PTCHD4: variants seen among roughly 807,000 people sequenced by gnomAD.
PTCHD4 encodes patched domain-containing protein 4.
PTCHD4 carries 33 observed loss-of-function variants against 58.1 expected under a neutral mutation model. That is an observed-to-expected ratio of 0.57 (90% CI 0.43 to 0.76). The LOEUF is 0.76. Ranked by LOEUF, PTCHD4 falls within the 30% of genes least tolerant of loss-of-function variation. The probability of loss-of-function intolerance (pLI) is 0.00; values close to 1 mark genes in which losing one functional copy is unlikely to be tolerated. For synonymous variants in PTCHD4, 478 were observed against 409.6 expected, an observed-to-expected ratio of 1.17 and a Z score of -2.02; for missense variants, 1,058 against 1,027.1, an observed-to-expected ratio of 1.03 and a Z score of -0.41.
At chr6:48,073,735 T>C (rs1233966925) in intron 1 of PTCHD4, among the ~76,000 whole-genome samples, 1 of 152,090 alleles carries the variant, frequency 6.6e-6, no homozygotes, top group Non-Finnish European at 1.5e-5. Context: ...GAGTTGCAAA[T>C]GGGAAAAGAG....
intron 4 of PTCHD4, among the ~76,000 whole-genome samples, chr6:47,920,741 G>A (rs1765404834): frequency 6.6e-6 from 1 of 152,078 alleles, no homozygotes; most frequent in African/African-American, 2.4e-5. Context: ...GGACAAACAA[G>A]TACACATAGT....
intron 4 of PTCHD4, among the ~76,000 whole-genome samples, chr6:47,980,654 G>T (rs890120925): frequency 4.6e-5 from 7 of 151,560 alleles, no homozygotes; most frequent in Non-Finnish European, 8.8e-5. Flanking sequence ...AACTTTGCAT[G>T]AAATTTTATT....
chr6:47,923,644 A>G (rs1009326832), intron 4 of PTCHD4, among the ~76,000 whole-genome samples: 3 of 152,174 alleles, frequency 2.0e-5, no homozygotes, highest in Admixed American at 6.5e-5. Flanking sequence ...AAGAGCATGG[A>G]TGATGTCAAG....
chr6:47,883,946 A>G (rs1277512281), intron 4 of PTCHD4, among the ~76,000 whole-genome samples: 2 of 152,228 alleles, frequency 1.3e-5, no homozygotes, highest in East Asian at 3.8e-4. Context: ...TAAAATCAGG[A>G]TACATTTCCA....
Position 48,008,980 on chromosome 6 carries a change from T to C in PTCHD4, c.552A>G (p.Gln184=). 1 of 1,613,980 alleles carries C rather than the reference T, an allele frequency of 6.2e-7. No individual in the cohort carries two copies. Among genetic ancestry groups the C allele is most frequent in the Non-Finnish European group, 8.5e-7 (1 of 1,179,890 alleles). Reference sequence around the variant, plus strand: ...TCTCCCACTTCTCCCCTATGAGGTCTTGGGTGGCAGAGCCATAGGTCTGGA... The same window carrying C: ...TCTCCCACTTCTCCCCTATGAGGTCCTGGGTGGCAGAGCCATAGGTCTGGA... ...YYLQTYGSAT[Q]DLIGEKWENE... Residue 184 remains glutamine (Q), a synonymous_variant, in exon 4 of 5, where the codon CAA becomes CAG. Transcript: ENST00000339488.
intron 4 of PTCHD4, among the ~76,000 whole-genome samples, chr6:47,909,946 C>A (rs746956384): frequency 3.9e-5 from 6 of 152,134 alleles, no homozygotes; most frequent in Admixed American, 6.6e-5. Context: ...GGGAAAACTT[C>A]GTAATAACTT....
Position 48,068,239 on chromosome 6 carries a change from C to T in PTCHD4, c.408G>A (p.Leu136=). 1 of 1,568,572 alleles carries T rather than the reference C, an allele frequency of 6.4e-7. No homozygotes were observed. The highest frequency in any genetic ancestry group is 8.7e-7 in the Non-Finnish European group (1 of 1,155,512). The change falls in exon 3 of 5, where the codon CTG becomes CTA. Residue 136 remains leucine (L), a synonymous_variant. Coordinates refer to ENST00000339488, the MANE Select transcript of PTCHD4 (RefSeq NM_001384253.1). The surrounding 1 kb of genome is among the most constrained non-coding windows in gnomAD (Gnocchi z 4.2). ...EGILQTHRAV[L]EMKDGRNSFI... ...AGCCCTTGTGGTTCACCTTCATTTC[C>T]AGCACGGCTCGGTGGGTCTGCAGGA...
At chr6:47,889,544 C>T (rs1764312474) in intron 4 of PTCHD4, among the ~76,000 whole-genome samples, 3 of 151,940 alleles carry the variant, frequency 2.0e-5, no homozygotes, top group African/African-American at 4.8e-5. Flanking sequence ...ATTGTAGATT[C>T]TGGATATTAT....
At chr6:48,039,440 C>G (rs2114148640) in intron 3 of PTCHD4, among the ~76,000 whole-genome samples, 1 of 152,120 alleles carries the variant, frequency 6.6e-6, no homozygotes, top group South Asian at 2.1e-4. Context: ...TGGTTATTAA[C>G]ACTGGAGAGG....
chr6:48,005,092 A>T (rs1386790212), intron 4 of PTCHD4, among the ~76,000 whole-genome samples: 1 of 152,198 alleles, frequency 6.6e-6, no homozygotes, highest in Non-Finnish European at 1.5e-5. Flanking sequence ...TCACTGGCTT[A>T]AAAAATGTGG....
At chr6:48,056,192 G>A (rs886798110) in intron 3 of PTCHD4, among the ~76,000 whole-genome samples, 5 of 152,084 alleles carry the variant, frequency 3.3e-5, no homozygotes, top group African/African-American at 4.8e-5. Context: ...AAATGTAAAC[G>A]AGATACAATA....
intron 3 of PTCHD4, among the ~76,000 whole-genome samples, chr6:48,060,920 A>T (rs928619341): frequency 2.0e-5 from 3 of 152,258 alleles, no homozygotes; most frequent in Non-Finnish European, 2.9e-5. Flanking sequence ...AATGCTGTTC[A>T]TCAGGCACCT....
chr6:47,990,049 G>A (rs1328094139), intron 4 of PTCHD4, among the ~76,000 whole-genome samples: 3 of 152,208 alleles, frequency 2.0e-5, no homozygotes, highest in African/African-American at 7.2e-5. Context: ...TGACCTCGAT[G>A]TGGGACCTGG....
intron 4 of PTCHD4, among the ~76,000 whole-genome samples, chr6:47,986,915 G>A (rs1194803619): frequency 6.6e-6 from 1 of 152,132 alleles, no homozygotes; most frequent in African/African-American, 2.4e-5. Context: ...CGCAACAGTG[G>A]TGTGTTGCAG....
At chr6:48,108,562 C>A (rs1369966880) in intron 1 of PTCHD4, among the ~76,000 whole-genome samples, 1 of 151,936 alleles carries the variant, frequency 6.6e-6, no homozygotes, top group Non-Finnish European at 1.5e-5. Context: ...TGTAACAAAC[C>A]TGCACGTTGT....
chr6:47,892,057 C>T (rs929057502), intron 4 of PTCHD4, among the ~76,000 whole-genome samples: 3 of 151,928 alleles, frequency 2.0e-5, no homozygotes, highest in African/African-American at 7.3e-5. Flanking sequence ...AAAGAGAATG[C>T]CAGTTGGGCA....
chr6:48,037,153 C>T (rs754496428), intron 3 of PTCHD4, among the ~76,000 whole-genome samples: 30 of 152,062 alleles, frequency 2.0e-4, no homozygotes, highest in Non-Finnish European at 2.6e-4. Context: ...CACGTCATGA[C>T]TAGAGAGTGA....
At chr6:47,891,732 A>G (rs1251031145) in intron 4 of PTCHD4, among the ~76,000 whole-genome samples, 1 of 152,044 alleles carries the variant, frequency 6.6e-6, no homozygotes, top group Non-Finnish European at 1.5e-5. Context: ...TTCTTCCTAA[A>G]ATACTCCATG....
intron 4 of PTCHD4, among the ~76,000 whole-genome samples, chr6:47,969,080 A>C (rs994915482): frequency 6.6e-6 from 1 of 152,210 alleles, no homozygotes; most frequent in African/African-American, 2.4e-5. Context: ...CATTGCTAAA[A>C]TTCTTGCTTT....
Sources: allele counts gnomAD v4.1 joint callset (sites outside exome capture counted in the v4.1 genomes callset), GRCh38; gene constraint gnomAD v4.1.1; non-coding constraint Gnocchi (gnomAD v3.1); transcripts MANE v1.5; gene names NCBI Gene and HGNC (gene_info 2026-07-23, HGNC 2026-07-21).